Variants in TMEFF1 observed in about 807,000 individuals in gnomAD.
The protein encoded by TMEFF1 is transmembrane protein with EGF like and two follistatin like domains 1.
A neutral mutation model predicts 47.5 loss-of-function variants in TMEFF1; 20 were observed. That is an observed-to-expected ratio of 0.42 (90% confidence interval 0.30 to 0.61). The LOEUF (loss-of-function observed/expected upper bound fraction) is 0.61. Ranked by LOEUF, TMEFF1 falls within the 20% of genes least tolerant of loss-of-function variation. TMEFF1 has a pLI of 0.19. For synonymous variants in TMEFF1, 162 were observed against 166.3 expected, an observed-to-expected ratio of 0.97 and a Z score of 0.20; for missense variants, 411 against 471.1, an observed-to-expected ratio of 0.87 and a Z score of 1.18.
At chr9:100,546,189 C>A (rs1029363251) in intron 5 of TMEFF1, among the ~76,000 whole-genome samples, 3 of 152,108 alleles carry the variant, frequency 2.0e-5, no homozygotes, top group African/African-American at 4.8e-5. Context: ...TAAAGATATA[C>A]CCGAGACTGG....
In TMEFF1 at chr9:100,566,025, C is replaced by T. The variant is rs560810343; in HGVS notation, c.899+4505C>T. The stretch of plus-strand genomic sequence containing the variant: ...GTGGTCAGTACTTAGTCTCAAATTA[C>T]TTTTGAATGATCAGTGCATTTGACA... On this transcript the variant is annotated intron_variant, in intron 8 of 9. Coordinates refer to ENST00000374879, the MANE Select transcript of TMEFF1 (RefSeq NM_003692.5). Among the ~76,000 whole-genome samples, 9 of 152,308 alleles carry T rather than the reference C, an allele frequency of 5.9e-5. No homozygotes were observed. In the South Asian group the frequency reaches 1.9e-3, roughly 32 times the overall value.
chr9:100,498,200 G>A lies in TMEFF1; in HGVS notation c.197-565G>A, dbSNP rs141965120. Among the ~76,000 whole-genome samples, 30 of 152,130 alleles carry A rather than the reference G, an allele frequency of 2.0e-4. No individual in the cohort carries two copies. The East Asian group carries it at 5.6e-3, about 28-fold the overall frequency. ...AAAGTTTTAAGTCTAGTAAGATTTT[G>A]AATCTCTTTAATTCTGTGTACACAA... On this transcript the variant is annotated intron_variant, in intron 1 of 9. Transcript: ENST00000374879.
chr9:100,500,152 G>C (rs951340504), intron 2 of TMEFF1, among the ~76,000 whole-genome samples: 2 of 152,130 alleles, frequency 1.3e-5, no homozygotes, highest in Admixed American at 1.3e-4. Flanking sequence ...GTGATAATTT[G>C]AACTGTTTTC....
At chr9:100,561,701 A>T (rs115671398) in intron 8 of TMEFF1, among the ~76,000 whole-genome samples, 181 bp downstream of exon 8, 3,937 of 152,260 alleles carry the variant, frequency 0.026, 166 homozygotes, top group African/African-American at 0.089. Flanking sequence ...ATATGCAGAA[A>T]ACAAAAATCT....
At chr9:100,569,966 A>G (rs1587860562) in intron 8 of TMEFF1, among the ~76,000 whole-genome samples, 1 of 152,304 alleles carries the variant, frequency 6.6e-6, no homozygotes, top group East Asian at 1.9e-4. Context: ...GTCCCTGGTA[A>G]CCACTATTCT....
At chr9:100,532,480 T>C (rs958699822) in intron 5 of TMEFF1, among the ~76,000 whole-genome samples, 16 of 152,018 alleles carry the variant, frequency 1.1e-4, no homozygotes, top group African/African-American at 3.6e-4. Context: ...AAAAAACACA[T>C]GAAAAAATGC....
intron 6 of TMEFF1, 81 bp from the exon 7 acceptor site, chr9:100,550,014 A>G (rs1331454748): frequency 6.7e-7 from 1 of 1,492,536 alleles, no homozygotes. Flanking sequence ...AGAACTTGGA[A>G]TAATTTGGAA....
chr9:100,554,800 A>G (rs890726273), intron 7 of TMEFF1, among the ~76,000 whole-genome samples: 3 of 151,958 alleles, frequency 2.0e-5, no homozygotes, highest in African/African-American at 7.2e-5. Context: ...GCAAGACAGA[A>G]TATTTTGAAT....
chr9:100,564,567 G>C (rs545783057), intron 8 of TMEFF1, among the ~76,000 whole-genome samples: 2 of 152,278 alleles, frequency 1.3e-5, no homozygotes, highest in East Asian at 3.9e-4. Flanking sequence ...CTATACATGA[G>C]GCGATTTGGG....
intron 7 of TMEFF1, among the ~76,000 whole-genome samples, chr9:100,557,676 C>A (rs1644048580): frequency 6.6e-6 from 1 of 152,128 alleles, no homozygotes; most frequent in Admixed American, 6.5e-5. Flanking sequence ...TCAATTTGAA[C>A]TTCCATAGCA....
intron 1 of TMEFF1, among the ~76,000 whole-genome samples, chr9:100,493,448 C>T (rs1449313440): frequency 1.3e-5 from 2 of 152,118 alleles, no homozygotes; most frequent in African/African-American, 4.8e-5. Flanking sequence ...GTTGTTGCTG[C>T]CAGAAGTTGG....
chr9:100,508,746 G>A (rs141376674), intron 2 of TMEFF1, among the ~76,000 whole-genome samples: 64 of 151,892 alleles, frequency 4.2e-4, no homozygotes, highest in Non-Finnish European at 7.2e-4. Flanking sequence ...TTACCTTGGT[G>A]GTTTTTCATA....
chr9:100,485,499 C>T (rs1439996556), intron 1 of TMEFF1, among the ~76,000 whole-genome samples: 4 of 152,234 alleles, frequency 2.6e-5, no homozygotes, highest in South Asian at 2.1e-4. Context: ...CCATTTTCCA[C>T]ATCCTCACCA....
intron 6 of TMEFF1, 35 bp from the exon 7 acceptor site, chr9:100,550,060 A>G (rs749352690): frequency 8.8e-6 from 14 of 1,594,028 alleles, no homozygotes; most frequent in Non-Finnish European, 1.1e-5. Context: ...TAACCATTGT[A>G]TATATTTTAA....
At chr9:100,527,720 G>A (rs1307549337) in intron 5 of TMEFF1, among the ~76,000 whole-genome samples, 4 of 152,198 alleles carry the variant, frequency 2.6e-5, no homozygotes, top group Admixed American at 6.5e-5. Context: ...CGGGAAGCTC[G>A]AACTGGGTGG....
chr9:100,566,378 C>T (rs1284566046), intron 8 of TMEFF1, among the ~76,000 whole-genome samples: 1 of 152,210 alleles, frequency 6.6e-6, no homozygotes, highest in African/African-American at 2.4e-5. Context: ...TCAATCTCAA[C>T]AGGACCAAAG....
At chr9:100,558,117 G>C (rs1838950272) in intron 7 of TMEFF1, among the ~76,000 whole-genome samples, 1 of 151,944 alleles carries the variant, frequency 6.6e-6, no homozygotes, top group South Asian at 2.1e-4. Context: ...TTTTTAATTT[G>C]GTTAACTTCC....
Position 100,509,052 on chromosome 9 carries a change from T to C in TMEFF1, c.354T>C (p.Tyr118=), listed in dbSNP as rs746369601. Residue 118 remains tyrosine (Y), a synonymous_variant, in exon 3 of 10, where the codon TAT becomes TAC. Coordinates refer to ENST00000374879, the MANE Select transcript of TMEFF1 (RefSeq NM_003692.5). ...IPVCGSNGDT[Y]QNECFLRRAA... is the part of the protein sequence containing the mutation. ...TCTGTGGATCAAATGGGGACACTTA[T>C]CAAAATGAATGCTTTCTCAGAAGGG... 1.4e-5 allele frequency: 23 copies of C among 1,604,914 alleles called. No individual in the cohort carries two copies. In the African/African-American group the frequency reaches 2.1e-4, roughly 15 times the overall value.
chr9:100,540,634 G>A (rs577892277), intron 5 of TMEFF1, among the ~76,000 whole-genome samples: 5 of 152,368 alleles, frequency 3.3e-5, no homozygotes, highest in African/African-American at 1.2e-4. Context: ...TCGAGGCCAA[G>A]GAGGTGCTGA....
Sources: allele counts gnomAD v4.1 joint callset (sites outside exome capture counted in the v4.1 genomes callset), GRCh38; gene constraint gnomAD v4.1.1; transcripts MANE v1.5; gene names NCBI Gene and HGNC (gene_info 2026-07-23, HGNC 2026-07-21).